The following SGSM3 variants were observed in gnomAD, a reference collection of about 807,000 sequenced individuals.
SGSM3 encodes the protein small G protein signaling modulator 3.
In SGSM3, 96 loss-of-function variants were observed where a neutral mutation model predicts 100.5. The ratio of observed to expected loss-of-function variants is 0.96; its 90% CI spans 0.81 to 1.13. The LOEUF is 1.13. Among genes scored for constraint, SGSM3 ranks in the 50% most tolerant of loss-of-function variants. The pLI, the probability that SGSM3 is intolerant of heterozygous loss-of-function variation, is 0.00. For synonymous variants in SGSM3, 483 were observed against 422.8 expected (o/e 1.14, Z -1.75); for missense variants, 1,001 against 1,015.8 (o/e 0.99, Z 0.20).
At chr22:40,379,831 C>T (rs543173088) in intron 1 of SGSM3, among the ~76,000 whole-genome samples, 1 of 152,240 alleles carries the variant, frequency 6.6e-6, no homozygotes, top group Non-Finnish European at 1.5e-5. Flanking sequence ...ACCTCAGCTT[C>T]CTGAGTAATC....
At chr22:40,391,946 A>G (rs982763281) in intron 1 of SGSM3, among the ~76,000 whole-genome samples, 2 of 152,172 alleles carry the variant, frequency 1.3e-5, no homozygotes, top group African/African-American at 2.4e-5. Flanking sequence ...ACGTGGGGGT[A>G]TATCTGTAAA....
Position 40,410,128 on chromosome 22 carries a change from G to A in SGSM3, c.*369G>A, listed in dbSNP as rs778096509. The A allele has an allele frequency of 2.1e-4, 241 of 1,135,280 alleles. No individual in the cohort carries two copies. Among genetic ancestry groups the A allele is most frequent in the Non-Finnish European group, 2.4e-4 (218 of 924,748 alleles). The allele number at this position is 1,135,280 out of a possible 1,614,324, so 70.3% of individuals were successfully genotyped here. A position where few individuals can be genotyped will look rare whatever the true frequency, so the allele number is the denominator to read the frequency against. The stretch of plus-strand genomic sequence containing the variant: ...GAGAAAGCACCTACCTGTCTTCTGT[G>A]CAGCTAGGGCTGCAGAGCTGTATTC... On this transcript the variant is annotated 3_prime_UTR_variant, in exon 22 of 22. Coordinates refer to ENST00000248929, the MANE Select transcript of SGSM3 (RefSeq NM_015705.6).
chr22:40,409,794 C>T lies in SGSM3; in HGVS notation c.*35C>T, dbSNP rs11545782. On this transcript the variant is annotated 3_prime_UTR_variant, in exon 22 of 22. Transcript: ENST00000248929. ...CCCCAGCCCAACCTCGGGCCTGCGT[C>T]TGAGGTGGCCCAGGACCCCAAGCTG... The T allele has an allele frequency of 6.3e-7, 1 of 1,593,732 alleles. No homozygotes were observed. The highest frequency in any genetic ancestry group is 1.1e-5 in the South Asian group (1 of 90,148).
At chr22:40,405,076 G>T in intron 6 of SGSM3, 65 bp from the exon 7 acceptor site, 1 of 1,454,032 alleles carries the variant, frequency 6.9e-7, no homozygotes, top group Non-Finnish European at 9.1e-7. Flanking sequence ...GCCCGCCTGG[G>T]GTCTGCCTCC....
intron 1 of SGSM3, among the ~76,000 whole-genome samples, chr22:40,377,005 T>A (rs1277458106): frequency 1.3e-5 from 2 of 152,222 alleles, no homozygotes; most frequent in Non-Finnish European, 2.9e-5. Context: ...TTGGTCACTT[T>A]CCCAGTCATG....
intron 1 of SGSM3, among the ~76,000 whole-genome samples, chr22:40,395,635 T>C (rs1443256426): frequency 2.6e-5 from 4 of 151,952 alleles, no homozygotes; most frequent in South Asian, 2.1e-4. Flanking sequence ...GCCCCGTAAC[T>C]CTTAACTTCT....
rs762887007 is a variant in SGSM3, at chr22:40,405,160, G to A, written c.494G>A (p.Arg165His). 1.7e-5 allele frequency: 26 copies of A among 1,561,762 alleles called. No homozygotes were observed. The highest frequency in any genetic ancestry group is 5.7e-5 in the Admixed American group (3 of 52,856). The stretch of plus-strand genomic sequence containing the variant: ...TGACAGATCGAGAAGGACCTGCTCC[G>A]CACCATGCCCAGCAACGCCTGCTTC... ...AAKQIEKDLL[R>H]TMPSNACFAS... Residue 165 changes from arginine to histidine, a missense_variant, in exon 7 of 22, where the codon CGC becomes CAC. Coordinates refer to ENST00000248929, the MANE Select transcript of SGSM3 (RefSeq NM_015705.6).
chr22:40,405,898 G>T, intron 8 of SGSM3, 54 bp downstream of exon 8: 2 of 1,553,098 alleles, frequency 1.3e-6, no homozygotes, highest in South Asian at 2.4e-5. Flanking sequence ...GGACTCAGGC[G>T]GGTGGCCGAG....
intron 1 of SGSM3, among the ~76,000 whole-genome samples, chr22:40,394,466 T>C (rs2049789210): frequency 6.6e-6 from 1 of 151,960 alleles, no homozygotes; most frequent in South Asian, 2.1e-4. Context: ...GCCAACATAG[T>C]GAAACCCCAT....
rs772795340 is a variant in SGSM3, at chr22:40,406,183, G to T, written c.920G>T (p.Arg307Leu). Residue 307 changes from arginine to leucine, a missense_variant, in exon 9 of 22, where the codon CGG (arginine) becomes CTG (leucine). Arg to Leu is a moderately radical substitution (Grantham distance 102, BLOSUM62 -2). Coordinates refer to ENST00000248929, the MANE Select transcript of SGSM3 (RefSeq NM_015705.6). ...GACCTGTTTTTCTACGAGGGCTCCC[G>T]GGTGCTGTTCCAGCTCACGCTGGGC... is the stretch of plus-strand genomic sequence containing the variant. Reference protein sequence around the residue: ...IWDLFFYEGSRVLFQLTLGML... With the variant: ...IWDLFFYEGSLVLFQLTLGML... The T allele has an allele frequency of 1.2e-6, 2 of 1,613,986 alleles. No individual in the cohort carries two copies. The highest frequency in any genetic ancestry group is 1.7e-6 in the Non-Finnish European group (2 of 1,180,034).
chr22:40,377,164 C>A (rs1055035282), intron 1 of SGSM3, among the ~76,000 whole-genome samples: 35 of 152,212 alleles, frequency 2.3e-4, no homozygotes, highest in African/African-American at 8.4e-4. Flanking sequence ...GATAACAGCT[C>A]AATTTTGCTT....
In SGSM3 at chr22:40,407,429, A is replaced by G. The variant is rs200690286; in HGVS notation, c.1385A>G (p.Tyr462Cys). 3.7e-6 allele frequency: 6 copies of G among 1,612,886 alleles called. No homozygotes were observed. Among genetic ancestry groups the G allele is most frequent in the Admixed American group, 3.3e-5 (2 of 60,020 alleles). The change falls in exon 13 of 22, where the codon TAT becomes TGT. Residue 462 changes from tyrosine to cysteine, a missense_variant. Transcript: ENST00000248929. The surrounding 1 kb of genome is among the most constrained non-coding windows in gnomAD (Gnocchi z 4.7). ...CTGTGGCAGGAGCTGACTCCAGACT[A>G]TAGCATGGAGAGCCACCAGCGGGAC... ...KNCSVELTPD[Y>C]SMESHQRDHE...
Position 40,408,131 on chromosome 22 carries a change from T to TGGGGGGGGG in SGSM3, c.1629+14_1629+15insGGGGGGGGG. 1.8e-5 allele frequency: 15 copies of TGGGGGGGGG among 855,574 alleles called. No homozygotes were observed. The highest frequency in any genetic ancestry group is 2.4e-5 in the Non-Finnish European group (13 of 552,322). The allele number at this position is 855,574 out of a possible 1,614,324, so 53.0% of individuals were successfully genotyped here. ...GAGCGCAGCAAAGAGGTGAGGGGGGTGGGCGGGCTAGGCACGGCTGGCACC... is the reference window on the plus strand; with the variant it reads ...GAGCGCAGCAAAGAGGTGAGGGGGGTGGGGGGGGGGGGCGGGCTAGGCACGGCTGGCACC... On this transcript the variant is annotated intron_variant, in intron 15 of 21. Coordinates refer to ENST00000248929, the MANE Select transcript of SGSM3 (RefSeq NM_015705.6).
chr22:40,405,358 G>A (rs765242997), intron 7 of SGSM3, 74 bp downstream of exon 7: 29 of 1,348,334 alleles, frequency 2.2e-5, no homozygotes, highest in South Asian at 3.4e-5. Context: ...GTGGCCTCCC[G>A]CTACGGGGCA....
At chr22:40,393,207 C>G (rs1245097040) in intron 1 of SGSM3, among the ~76,000 whole-genome samples, 1 of 152,222 alleles carries the variant, frequency 6.6e-6, no homozygotes, top group Admixed American at 6.5e-5. Flanking sequence ...ACCTCCGCCT[C>G]CCAGATTCAA....
intron 4 of SGSM3, among the ~76,000 whole-genome samples, chr22:40,403,433 G>T (rs951216679): frequency 1.3e-5 from 2 of 152,198 alleles, no homozygotes; most frequent in Admixed American, 6.5e-5. Flanking sequence ...AAAACTGAAG[G>T]TGGTCTCAGC....
intron 1 of SGSM3, among the ~76,000 whole-genome samples, chr22:40,380,682 T>C (rs573740635): frequency 4.0e-4 from 61 of 152,278 alleles, no homozygotes; most frequent in African/African-American, 1.4e-3. Flanking sequence ...ACACCTGTAA[T>C]CCCAGCACTT....
chr22:40,406,310 C>G, intron 9 of SGSM3, 87 bp downstream of exon 9: 2 of 1,563,998 alleles, frequency 1.3e-6, no homozygotes, highest in Admixed American at 3.5e-5. Context: ...CCAGGCAAGA[C>G]CAGCCCCCTG....
intron 2 of SGSM3, among the ~76,000 whole-genome samples, chr22:40,401,347 G>A (rs1397663562): frequency 6.6e-6 from 1 of 152,094 alleles, no homozygotes; most frequent in African/African-American, 2.4e-5. Flanking sequence ...TCCGCTTCTT[G>A]GGTTCAAGCT....
Sources: allele counts gnomAD v4.1 joint callset (sites outside exome capture counted in the v4.1 genomes callset), GRCh38; gene constraint gnomAD v4.1.1; non-coding constraint Gnocchi (gnomAD v3.1); transcripts MANE v1.5; gene names NCBI Gene and HGNC (gene_info 2026-07-23, HGNC 2026-07-21).